The following PPFIA2 variants were observed in gnomAD, a reference collection of about 807,000 sequenced individuals.
The protein encoded by PPFIA2 is liprin-alpha-2.
Under a neutral mutation model 175.5 loss-of-function variants are expected in PPFIA2, and 46 were observed. The ratio of observed to expected loss-of-function variants is 0.26; its 90% CI spans 0.21 to 0.34. The LOEUF is 0.34. Among genes scored for constraint, PPFIA2 ranks in the 10% least tolerant of loss-of-function variants. The pLI is 1.00. For synonymous variants in PPFIA2, 568 were observed against 511.4 expected (o/e 1.11, Z -1.49); for missense variants, 1,179 against 1,506.1 (o/e 0.78, Z 3.60).
At chr12:81,559,819 G>C (rs61937273) in intron 4 of PPFIA2, among the ~76,000 whole-genome samples, 10 of 145,010 alleles carry the variant, frequency 6.9e-5, no homozygotes, top group Non-Finnish European at 1.4e-4. Flanking sequence ...TTTTTTTGTT[G>C]TTGTTTTTTT....
chr12:81,396,250 A>G (rs893968999), intron 8 of PPFIA2, among the ~76,000 whole-genome samples: 1 of 152,114 alleles, frequency 6.6e-6, no homozygotes. Flanking sequence ...CCTGAGCTTC[A>G]TCAGGAATAA....
chr12:81,492,879 A>G lies in PPFIA2; in HGVS notation c.304-35013T>C, dbSNP rs139970173. ...GAAAATCAATGAGAGGACTATTGAA[A>G]GAATCTGGAAAAAGATAAAGGTGAC... On this transcript the variant is annotated intron_variant, in intron 4 of 32. Coordinates refer to ENST00000549396, the MANE Select transcript of PPFIA2 (RefSeq NM_003625.5). Among the ~76,000 whole-genome samples, 165 of 152,242 alleles carry G rather than the reference A, an allele frequency of 1.1e-3. 1 individual carries two copies. The highest frequency in any genetic ancestry group is 6.8e-3 in the Middle Eastern group (2 of 294).
At chr12:81,403,046 T>C (rs908273164) in intron 8 of PPFIA2, among the ~76,000 whole-genome samples, 1 of 152,192 alleles carries the variant, frequency 6.6e-6, no homozygotes, top group African/African-American at 2.4e-5. Flanking sequence ...ATATTATGCA[T>C]GATAATAATA....
rs1438910111 is a variant in PPFIA2 at position 81,347,550 on chromosome 12, T to A, written c.2215A>T (p.Met739Leu). Residue 739 changes from methionine (M) to leucine (L), a missense_variant, in exon 18 of 33, where the codon ATG becomes TTG. Transcript: ENST00000549396. ...PRSPAREMDR[M>L]GVMTLPSDLR... ...CACCATACCAGTGTCATGACTCCCA[T>A]CCGATCCATTTCCCTGGCAGGGCTT... 6.2e-7 allele frequency: 1 copy of A among 1,608,690 alleles called. No individual in the cohort carries two copies. The highest frequency in any genetic ancestry group is 8.5e-7 in the Non-Finnish European group (1 of 1,175,156).
In PPFIA2 at chr12:81,507,838, C is replaced by T. The variant is rs117202884; in HGVS notation, c.304-49972G>A. On this transcript the variant is annotated intron_variant, in intron 4 of 32. Coordinates refer to ENST00000549396, the MANE Select transcript of PPFIA2 (RefSeq NM_003625.5). ...TAGATGGAGAAAAATTTATGAGAAA[C>T]GGGAGAGACCTGTCCAATGTCACAT... 1.1e-3 allele frequency among the ~76,000 whole-genome samples: 164 copies of T among 152,206 alleles called. 2 individuals are homozygous for T. In the East Asian group the frequency reaches 0.025, roughly 23 times the overall value.
chr12:81,398,852 C>G (rs921796562), intron 8 of PPFIA2, among the ~76,000 whole-genome samples: 1 of 151,818 alleles, frequency 6.6e-6, no homozygotes, highest in Admixed American at 6.6e-5. Flanking sequence ...TCTTGACGCT[C>G]GACAATACTA....
rs564505885 is a variant in PPFIA2, at chr12:81,723,205, T to C, written c.249+30768A>G. 1.7e-4 allele frequency among the ~76,000 whole-genome samples: 26 copies of C among 151,168 alleles called. No individual in the cohort carries two copies. In the South Asian group the frequency reaches 5.2e-3, roughly 30 times the overall value. Reference sequence around the variant, plus strand: ...CTGCATGCAAACCCTTTAAAACCTATAATTAATATCTCAAAATGCTAACTA... The same window carrying C: ...CTGCATGCAAACCCTTTAAAACCTACAATTAATATCTCAAAATGCTAACTA... On this transcript the variant is annotated intron_variant, in intron 3 of 32. Coordinates refer to ENST00000549396, the MANE Select transcript of PPFIA2 (RefSeq NM_003625.5).
chr12:81,577,793 A>G (rs1463375287), intron 4 of PPFIA2, among the ~76,000 whole-genome samples: 2 of 151,850 alleles, frequency 1.3e-5, no homozygotes, highest in Non-Finnish European at 2.9e-5. Flanking sequence ...AACAAAGCTG[A>G]CTTTCAACTT....
At position 81,375,802 on chromosome 12, in the gene PPFIA2, C is replaced by T. The variant is rs10862301; in HGVS notation, c.1125G>A (p.Leu375=). The T allele has an allele frequency of 0.29, 464,652 of 1,604,150 alleles. 73,796 individuals are homozygous for T. The highest frequency in any genetic ancestry group is 0.57 in the East Asian group (25,305 of 44,532). Residue 375 remains leucine (L), a synonymous_variant, in exon 10 of 33, where the codon CTG becomes CTA. Coordinates refer to ENST00000549396, the MANE Select transcript of PPFIA2 (RefSeq NM_003625.5). Reference sequence around the variant, plus strand: ...CAAGACAGAGATACTGAACCTGCCGCAGGATAGCTTCTTTATTTGCTAACT... The same window carrying T: ...CAAGACAGAGATACTGAACCTGCCGTAGGATAGCTTCTTTATTTGCTAACT... ...ENELANKEAI[L]RQMEEKNRQL...
intron 14 of PPFIA2, among the ~76,000 whole-genome samples, chr12:81,365,539 G>T (rs1466403533): frequency 6.6e-6 from 1 of 151,658 alleles, no homozygotes; most frequent in Non-Finnish European, 1.5e-5. Flanking sequence ...ATGCATAACA[G>T]CATCACGTCC....
At chr12:81,267,053 A>G in intron 29 of PPFIA2, 33 bp from the exon 30 acceptor site, 2 of 1,464,650 alleles carry the variant, frequency 1.4e-6, no homozygotes, top group Non-Finnish European at 1.9e-6. Context: ...ACCATCACCG[A>G]AATCACATTT....
chr12:81,379,293 G>T (rs2037110233), intron 9 of PPFIA2, among the ~76,000 whole-genome samples: 1 of 152,050 alleles, frequency 6.6e-6, no homozygotes. Context: ...ATGATCTCTT[G>T]ACCTGAAGTT....
intron 3 of PPFIA2, among the ~76,000 whole-genome samples, chr12:81,726,375 C>T (rs2080078480): frequency 1.3e-5 from 2 of 151,282 alleles, no homozygotes; most frequent in Admixed American, 1.3e-4. Flanking sequence ...TACTCATCAG[C>T]TACCACCTGT....
intron 9 of PPFIA2, among the ~76,000 whole-genome samples, chr12:81,380,328 C>T (rs954773151): frequency 2.0e-5 from 3 of 152,034 alleles, no homozygotes; most frequent in Non-Finnish European, 2.9e-5. Context: ...AACACTACTG[C>T]ACTTCAGCCT....
intron 30 of PPFIA2, among the ~76,000 whole-genome samples, chr12:81,264,814 C>T (rs754505921): frequency 2.6e-4 from 39 of 152,204 alleles, no homozygotes; most frequent in Admixed American, 1.2e-3. Context: ...TTTTCATTGC[C>T]CTAGATCTCC....
At chr12:81,648,987 A>C (rs1854482521) in intron 4 of PPFIA2, among the ~76,000 whole-genome samples, 1 of 152,050 alleles carries the variant, frequency 6.6e-6, no homozygotes, top group African/African-American at 2.4e-5. Context: ...CACAGATCAT[A>C]AGTCTAAATG....
chr12:81,379,543 T>G (rs2037169194), intron 9 of PPFIA2, among the ~76,000 whole-genome samples: 1 of 152,164 alleles, frequency 6.6e-6, no homozygotes, highest in South Asian at 2.1e-4. Flanking sequence ...AAATTTTAGC[T>G]ACTGGCACAG....
rs377159725 is a variant in PPFIA2 at position 81,366,753 on chromosome 12, CAT to C, written c.1545+353_1545+354del. Among the ~76,000 whole-genome samples the C allele has an allele frequency of 1.6e-4, 25 of 151,850 alleles. No homozygotes were observed. The East Asian group carries it at 2.7e-3, about 16-fold the overall frequency. ...CTGCTGAAAGAATATCTAAAACTGA[CAT>C]AAATTAGCGCATATATTTTAATTCT... is the stretch of plus-strand genomic sequence containing the variant. On this transcript the variant is annotated intron_variant, in intron 14 of 32. Transcript: ENST00000549396.
At chr12:81,395,163 T>C (rs544466884) in intron 8 of PPFIA2, among the ~76,000 whole-genome samples, 1 of 152,066 alleles carries the variant, frequency 6.6e-6, no homozygotes, top group East Asian at 1.9e-4. Context: ...GGAAAATCAA[T>C]AGCATCTTTA....
Sources: allele counts gnomAD v4.1 joint callset (sites outside exome capture counted in the v4.1 genomes callset), GRCh38; gene constraint gnomAD v4.1.1; transcripts MANE v1.5; gene names NCBI Gene and HGNC (gene_info 2026-07-23, HGNC 2026-07-21).